Variants in TRIM2 observed in about 807,000 individuals in gnomAD.
The protein encoded by TRIM2 is tripartite motif containing 2.
Under a neutral mutation model 75.2 loss-of-function variants are expected in TRIM2, and 20 were observed. The ratio of observed to expected loss-of-function variants is 0.27; its 90% CI spans 0.19 to 0.39. The LOEUF is 0.39. Among genes scored for constraint, TRIM2 ranks in the 10% least tolerant of loss-of-function variants. The pLI is 1.00. For synonymous variants in TRIM2, 373 were observed against 388.3 expected (o/e 0.96, Z 0.46); for missense variants, 660 against 990.8 (o/e 0.67, Z 4.48).
chr4:153,159,824 C>T (rs949676578), intron 1 of TRIM2, among the ~76,000 whole-genome samples: 7 of 152,050 alleles, frequency 4.6e-5, no homozygotes, highest in African/African-American at 1.4e-4. Flanking sequence ...ACAGTAGCTC[C>T]GAGTTTAATT....
At chr4:153,195,131 T>C (rs987049943) in intron 1 of TRIM2, among the ~76,000 whole-genome samples, 1 of 152,174 alleles carries the variant, frequency 6.6e-6, no homozygotes. Flanking sequence ...GTGATTGTCC[T>C]CATGAGAGAT....
intron 1 of TRIM2, among the ~76,000 whole-genome samples, chr4:153,197,212 A>G (rs1733867648): frequency 6.6e-6 from 1 of 152,220 alleles, no homozygotes; most frequent in African/African-American, 2.4e-5. Flanking sequence ...AGTAAGTTTA[A>G]TGGAATGAGT....
At chr4:153,262,663 C>T (rs886793356) in intron 1 of TRIM2, among the ~76,000 whole-genome samples, 2 of 152,144 alleles carry the variant, frequency 1.3e-5, no homozygotes, top group Non-Finnish European at 2.9e-5. Flanking sequence ...TAATTCTAAC[C>T]TTGTGGCTGA....
chr4:153,232,404 C>G (rs1743896697), intron 1 of TRIM2, among the ~76,000 whole-genome samples: 2 of 152,144 alleles, frequency 1.3e-5, no homozygotes, highest in African/African-American at 4.8e-5. Context: ...CAGGCTGAGG[C>G]AGAAGAATCG....
chr4:153,233,454 T>A (rs1306394316), intron 1 of TRIM2, among the ~76,000 whole-genome samples: 1 of 152,230 alleles, frequency 6.6e-6, no homozygotes, highest in East Asian at 1.9e-4. Flanking sequence ...GATGTTCAAT[T>A]CTGTGAATTT....
chr4:153,308,358 G>A, intron 6 of TRIM2: 1 of 1,158,710 alleles, frequency 8.6e-7, no homozygotes, highest in Non-Finnish European at 1.3e-6. Context: ...CTCTTGGTTG[G>A]TTCTTGAGCA....
intron 1 of TRIM2, among the ~76,000 whole-genome samples, chr4:153,259,520 A>G (rs565745424): frequency 6.6e-6 from 1 of 152,352 alleles, no homozygotes; most frequent in South Asian, 2.1e-4. Context: ...AAATGTGTAG[A>G]AGAGAAATAC....
chr4:153,320,714 C>A (rs572004990), intron 8 of TRIM2, among the ~76,000 whole-genome samples: 15 of 152,210 alleles, frequency 9.9e-5, no homozygotes, highest in African/African-American at 3.6e-4. Flanking sequence ...CTAACTGCAA[C>A]CTTCATCTCC....
chr4:153,211,907 A>C lies in TRIM2; in HGVS notation c.30+7347A>C, dbSNP rs140225676. 3.2e-3 allele frequency among the ~76,000 whole-genome samples: 494 copies of C among 152,306 alleles called. 4 individuals are homozygous for C. The Middle Eastern group carries it at 0.041, about 13-fold the overall frequency. ...ATCAAAATTTAAATATACTTTTCTA[A>C]ATCTGTGAGAAGGCTGTCTCCCAAG... On this transcript the variant is annotated intron_variant, in intron 1 of 11. Coordinates refer to ENST00000338700, the MANE Select transcript of TRIM2 (RefSeq NM_015271.5).
chr4:153,338,060 CTTATT>C lies in TRIM2; in HGVS notation c.*3098_*3102del. On this transcript the variant is annotated 3_prime_UTR_variant, in exon 12 of 12. Transcript: ENST00000338700. ...AGAACTAAACAAGTCCCTAAGTTTC[CTTATT>C]TTAATTTACTGTGACTAGATTTGAA... 1.0e-6 allele frequency: 1 copy of C among 985,718 alleles called. No individual in the cohort carries two copies. Among genetic ancestry groups the C allele is most frequent in the Non-Finnish European group, 1.2e-6 (1 of 829,898 alleles). 61.1% of individuals were successfully genotyped at this position (985,718 alleles called of 1,614,324 possible).
At position 153,204,530 on chromosome 4, in the gene TRIM2, G is replaced by A; in HGVS notation, c.-1G>A. The A allele has an allele frequency of 6.4e-7, 1 of 1,551,722 alleles. No homozygotes were observed. Among genetic ancestry groups the A allele is most frequent in the Non-Finnish European group, 8.7e-7 (1 of 1,147,006 alleles). ...TTGGAGGAGGCTGGCTCTGGTCTTC[G>A]ATGCACAGGAGTGGCCGTTATGGAA... On this transcript the variant is annotated 5_prime_UTR_variant, in exon 1 of 12. Coordinates refer to ENST00000338700, the MANE Select transcript of TRIM2 (RefSeq NM_015271.5).
chr4:153,264,967 C>A (rs190771898), intron 1 of TRIM2, among the ~76,000 whole-genome samples: 1 of 152,240 alleles, frequency 6.6e-6, no homozygotes, highest in Admixed American at 6.5e-5. Context: ...AATTAATTTA[C>A]CATGCAAATT....
chr4:153,205,570 G>A (rs560568274), intron 1 of TRIM2, among the ~76,000 whole-genome samples: 2 of 152,282 alleles, frequency 1.3e-5, no homozygotes, highest in African/African-American at 4.8e-5. Context: ...GGTGAGCCCC[G>A]TGGTGTGGAG....
Position 153,295,686 on chromosome 4 carries a change from C to A in TRIM2, c.1160C>A (p.Thr387Asn), listed in dbSNP as rs1560967853. ...GACAAAGACGGTGAGCTGTGCAAAA[C>A]CGGCAACGCCTACCTCACCGCCGAA... is the stretch of plus-strand genomic sequence containing the variant. Reference protein sequence around the residue: ...TKDKDGELCKTGNAYLTAELS... With the variant: ...TKDKDGELCKNGNAYLTAELS... The change falls in exon 6 of 12, where the codon ACC (threonine) becomes AAC (asparagine). Residue 387 changes from threonine to asparagine, a missense_variant. Physicochemically the swap from Thr to Asn is moderately conservative, Grantham distance 65. Coordinates refer to ENST00000338700, the MANE Select transcript of TRIM2 (RefSeq NM_015271.5). This position sits in a 1 kb window ranked among gnomAD's most constrained non-coding sequence, Gnocchi z 7.2. The A allele has an allele frequency of 6.2e-7, 1 of 1,613,958 alleles. No homozygotes were observed. Among genetic ancestry groups the A allele is most frequent in the Admixed American group, 1.7e-5 (1 of 60,006 alleles).
At chr4:153,236,412 T>C (rs918144974) in intron 1 of TRIM2, among the ~76,000 whole-genome samples, 1 of 152,138 alleles carries the variant, frequency 6.6e-6, no homozygotes, top group African/African-American at 2.4e-5. Flanking sequence ...TGCCTATTCA[T>C]GCTGGCTCTT....
At chr4:153,303,510 C>A (rs978454973) in intron 6 of TRIM2, among the ~76,000 whole-genome samples, 5 of 150,718 alleles carry the variant, frequency 3.3e-5, no homozygotes, top group African/African-American at 7.3e-5. Context: ...CTTTCTTCTA[C>A]AATTATGCCT....
intron 1 of TRIM2, among the ~76,000 whole-genome samples, chr4:153,194,624 CAAGG>C (rs1343146843): frequency 6.6e-6 from 1 of 151,990 alleles, no homozygotes; most frequent in Non-Finnish European, 1.5e-5. Context: ...CAAAGGGGTC[CAAGG>C]AAGTTTTTGG....
chr4:153,333,278 A>G (rs1021354908), intron 11 of TRIM2, among the ~76,000 whole-genome samples: 5 of 152,238 alleles, frequency 3.3e-5, no homozygotes, highest in Admixed American at 3.3e-4. Flanking sequence ...TAACAAAATT[A>G]TAGAGAAGGA....
intron 1 of TRIM2, among the ~76,000 whole-genome samples, chr4:153,245,970 C>T (rs1453767933): frequency 6.6e-6 from 1 of 152,214 alleles, no homozygotes; most frequent in Non-Finnish European, 1.5e-5. Flanking sequence ...TGAGGCACCA[C>T]ACCCAGCCCC....
Sources: gnomAD v4.1 joint callset for allele counts (sites outside exome capture counted in the v4.1 genomes callset) on GRCh38, gnomAD v4.1.1 for gene constraint, Gnocchi (gnomAD v3.1) non-coding constraint, MANE v1.5 for transcripts, NCBI Gene and HGNC (gene_info 2026-07-23, HGNC 2026-07-21) for gene names.